Variants in TAFA1 observed in about 807,000 individuals in gnomAD.
TAFA1 encodes the protein chemokine-like protein TAFA-1.
A neutral mutation model predicts 18.5 loss-of-function variants in TAFA1; 4 were observed. That is an observed-to-expected ratio of 0.22 (90% CI 0.11 to 0.49). The LOEUF (loss-of-function observed/expected upper bound fraction) is 0.49. TAFA1 is among the 20% of genes least tolerant of loss of function. The probability of loss-of-function intolerance (pLI) is 0.98; values close to 1 mark genes in which losing one functional copy is unlikely to be tolerated. For synonymous variants in TAFA1, 56 were observed against 55.2 expected, an observed-to-expected ratio of 1.01 and a Z score of -0.06; for missense variants, 147 against 169.0, an observed-to-expected ratio of 0.87 and a Z score of 0.72.
chr3:68,109,486 A>G (rs2065240488), intron 2 of TAFA1, among the ~76,000 whole-genome samples: 1 of 152,198 alleles, frequency 6.6e-6, no homozygotes, highest in South Asian at 2.1e-4. Flanking sequence ...ATGGAATAAA[A>G]AGAATATCAA....
intron 2 of TAFA1, among the ~76,000 whole-genome samples, chr3:68,309,130 T>C (rs771133548): frequency 6.6e-6 from 1 of 152,156 alleles, no homozygotes; most frequent in Non-Finnish European, 1.5e-5. Flanking sequence ...ACCTTACCCC[T>C]GGTACTCTGA....
rs76400246 is a variant in TAFA1, at chr3:68,220,261, A to G, written c.119-197019A>G. Among the ~76,000 whole-genome samples, 56 of 152,278 alleles carry G rather than the reference A, an allele frequency of 3.7e-4. 1 individual carries two copies. The East Asian group carries it at 0.01, about 28-fold the overall frequency. On this transcript the variant is annotated intron_variant, in intron 2 of 4. Coordinates refer to ENST00000478136, the MANE Select transcript of TAFA1 (RefSeq NM_213609.4). ...AATTTTGTAACAAAGATATATAAAG[A>G]TTGTCTGCAAAACAAGGCTGAATGA...
intron 3 of TAFA1, among the ~76,000 whole-genome samples, chr3:68,455,636 C>A (rs895411327): frequency 2.0e-5 from 3 of 152,164 alleles, no homozygotes; most frequent in East Asian, 1.9e-4. Flanking sequence ...GATCCGTATC[C>A]TAAAACCCTT....
intron 3 of TAFA1, among the ~76,000 whole-genome samples, chr3:68,516,838 A>T (rs1436625884): frequency 6.6e-6 from 1 of 152,104 alleles, no homozygotes; most frequent in Non-Finnish European, 1.5e-5. Context: ...GCAATGGAGC[A>T]TCTCAGCTCT....
chr3:68,324,730 G>T (rs2068750852), intron 2 of TAFA1, among the ~76,000 whole-genome samples: 1 of 152,158 alleles, frequency 6.6e-6, no homozygotes, highest in Admixed American at 6.5e-5. Flanking sequence ...TGGCAAAACT[G>T]CAATTACTTT....
intron 3 of TAFA1, among the ~76,000 whole-genome samples, chr3:68,508,712 T>A (rs1488909735): frequency 6.6e-6 from 1 of 152,006 alleles, no homozygotes; most frequent in Non-Finnish European, 1.5e-5. Flanking sequence ...CCAATAGACA[T>A]AATATATACA....
At chr3:68,219,976 A>G (rs2066709826) in intron 2 of TAFA1, among the ~76,000 whole-genome samples, 1 of 152,336 alleles carries the variant, frequency 6.6e-6, no homozygotes, top group Non-Finnish European at 1.5e-5. Flanking sequence ...GCTAGACAAT[A>G]ATCAGTAATC....
intron 3 of TAFA1, among the ~76,000 whole-genome samples, chr3:68,508,236 C>CT (rs111541770): frequency 1.9e-4 from 28 of 149,694 alleles, no homozygotes; most frequent in Admixed American, 2.7e-4. Flanking sequence ...CCCATATGAT[C>CT]TTTTTTTTTT....
At chr3:68,143,118 C>T (rs781782502) in intron 2 of TAFA1, among the ~76,000 whole-genome samples, 2 of 152,006 alleles carry the variant, frequency 1.3e-5, no homozygotes, top group Non-Finnish European at 2.9e-5. Context: ...AGTGAAAATC[C>T]ATCTTGCTAT....
intron 3 of TAFA1, among the ~76,000 whole-genome samples, chr3:68,498,775 C>G (rs2072602301): frequency 8.5e-6 from 1 of 116,960 alleles, no homozygotes; most frequent in Non-Finnish European, 1.6e-5. Flanking sequence ...AGAGAGAAAA[C>G]TATTTTAGTG....
At chr3:68,011,110 A>T (rs1575572365) in intron 2 of TAFA1, among the ~76,000 whole-genome samples, 1 of 96,778 alleles carries the variant, frequency 1.0e-5, no homozygotes. Context: ...TAGTTACTTA[A>T]TTTTGAATGT....
At chr3:68,497,874 T>G (rs2072576369) in intron 3 of TAFA1, among the ~76,000 whole-genome samples, 1 of 152,146 alleles carries the variant, frequency 6.6e-6, no homozygotes, top group South Asian at 2.1e-4. Context: ...AGCTTGCCCT[T>G]GGGAGTGATG....
chr3:68,025,933 C>T (rs980158765), intron 2 of TAFA1, among the ~76,000 whole-genome samples: 9 of 152,138 alleles, frequency 5.9e-5, no homozygotes, highest in African/African-American at 2.2e-4. Flanking sequence ...TCTCCCTCCA[C>T]AGGAATGTAA....
chr3:68,203,084 T>A (rs1206368072), intron 2 of TAFA1, among the ~76,000 whole-genome samples: 2 of 151,752 alleles, frequency 1.3e-5, no homozygotes, highest in Non-Finnish European at 2.9e-5. Flanking sequence ...AATCTACACT[T>A]CTGTTTTTTC....
chr3:68,319,777 A>G (rs2068668477), intron 2 of TAFA1, among the ~76,000 whole-genome samples: 2 of 152,336 alleles, frequency 1.3e-5, no homozygotes, highest in Non-Finnish European at 1.5e-5. Flanking sequence ...ATGTTTTCAT[A>G]TTAGAAGCAT....
intron 2 of TAFA1, among the ~76,000 whole-genome samples, chr3:68,173,188 T>C (rs2066080043): frequency 6.6e-6 from 1 of 151,814 alleles, no homozygotes; most frequent in Non-Finnish European, 1.5e-5. Context: ...TGAAAAAAAA[T>C]CAAAGAAAAC....
intron 2 of TAFA1, among the ~76,000 whole-genome samples, chr3:68,115,964 A>G (rs544975413): frequency 6.6e-6 from 1 of 152,310 alleles, no homozygotes; most frequent in Non-Finnish European, 1.5e-5. Context: ...TAATAAAAAT[A>G]TGTTAATCTG....
intron 2 of TAFA1, among the ~76,000 whole-genome samples, chr3:68,396,092 T>A (rs917627064): frequency 6.6e-6 from 1 of 152,128 alleles, no homozygotes; most frequent in Non-Finnish European, 1.5e-5. Flanking sequence ...TACTTTATAT[T>A]TCCTTATTAT....
intron 3 of TAFA1, among the ~76,000 whole-genome samples, chr3:68,515,892 A>G (rs971934035): frequency 5.9e-5 from 9 of 152,328 alleles, no homozygotes; most frequent in African/African-American, 1.9e-4. Flanking sequence ...TCCTCTTGAA[A>G]TTAGCACCCC....
Sources: gnomAD v4.1 joint callset for allele counts (sites outside exome capture counted in the v4.1 genomes callset) on GRCh38, gnomAD v4.1.1 for gene constraint, MANE v1.5 for transcripts, NCBI Gene and HGNC (gene_info 2026-07-23, HGNC 2026-07-21) for gene names.